The following MTCL2 variants were observed in gnomAD, a reference collection of about 807,000 sequenced individuals.
MTCL2 encodes microtubule cross-linking factor 2.
At chr20:36,787,102 G>A in the MTCL2 span, among the ~76,000 whole-genome samples, 9 of 151,728 alleles carry the variant, frequency 5.9e-5, no homozygotes, top group South Asian at 1.9e-3. Flanking sequence ...GCTGGAATTA[G>A]CACCTTTGGG....
the MTCL2 span, among the ~76,000 whole-genome samples, chr20:36,811,163 CA>C: frequency 6.6e-6 from 1 of 152,152 alleles, no homozygotes; most frequent in African/African-American, 2.4e-5. Flanking sequence ...ATCTGTTTTG[CA>C]TTAAAAATTT....
chr20:36,800,492 A>G, the MTCL2 span, among the ~76,000 whole-genome samples: 5 of 152,298 alleles, frequency 3.3e-5, no homozygotes, highest in Admixed American at 1.3e-4. Context: ...TACCTGCAGG[A>G]AAGTGGGCAT....
chr20:36,831,401 A>G, the MTCL2 span, among the ~76,000 whole-genome samples: 1 of 152,152 alleles, frequency 6.6e-6, no homozygotes, highest in East Asian at 1.9e-4. Context: ...AGGGGTGCCC[A>G]GGTTTCGCCA....
chr20:36,847,637 T>C, the MTCL2 span, among the ~76,000 whole-genome samples: 1 of 152,114 alleles, frequency 6.6e-6, no homozygotes. Flanking sequence ...GAAGATCCCT[T>C]GAGCTCAGGA....
the MTCL2 span, among the ~76,000 whole-genome samples, chr20:36,801,463 C>T: frequency 2.0e-5 from 3 of 151,530 alleles, no homozygotes; most frequent in South Asian, 2.1e-4. Context: ...AAAGGCCCAG[C>T]GACTCGGGAG....
At chr20:36,824,045 G>A in the MTCL2 span, among the ~76,000 whole-genome samples, 1 of 152,116 alleles carries the variant, frequency 6.6e-6, no homozygotes, top group South Asian at 2.1e-4. Flanking sequence ...ACACAACAGG[G>A]TCCTAGGAGA....
the MTCL2 span, among the ~76,000 whole-genome samples, chr20:36,795,127 C>T: frequency 5.0e-4 from 76 of 152,052 alleles, no homozygotes; most frequent in East Asian, 0.012. Context: ...TTAGTAGAGA[C>T]GGGGTTTCAC....
At chr20:36,837,871 C>T in the MTCL2 span, among the ~76,000 whole-genome samples, 1 of 152,166 alleles carries the variant, frequency 6.6e-6, no homozygotes, top group South Asian at 2.1e-4. Flanking sequence ...GCCACTGTGC[C>T]CAGCCCGCAT....
At chr20:36,840,513 A>G in the MTCL2 span, among the ~76,000 whole-genome samples, 4 of 150,684 alleles carry the variant, frequency 2.7e-5, no homozygotes, top group Non-Finnish European at 5.9e-5. Flanking sequence ...TTTGTTACAG[A>G]AGCAACAGGA....
chr20:36,780,934 T>C, the MTCL2 span: 1 of 152,186 alleles, frequency 6.6e-6, no homozygotes, highest in Non-Finnish European at 1.5e-5. Flanking sequence ...CATGCTTGCT[T>C]CCCATAATTG....
the MTCL2 span, among the ~76,000 whole-genome samples, chr20:36,788,861 C>T: frequency 6.8e-6 from 1 of 146,852 alleles, no homozygotes; most frequent in African/African-American, 2.6e-5. Flanking sequence ...GGCTGGAGTG[C>T]AATGATGCGA....
At chr20:36,794,203 A>G in the MTCL2 span, 1 of 1,547,378 alleles carries the variant, frequency 6.5e-7, no homozygotes. This position sits in a 1 kb window ranked among gnomAD's most constrained non-coding sequence, Gnocchi z 5.4. Context: ...CCAGCCCATC[A>G]GCCTCGGCCG....
chr20:36,783,161 C>T, the MTCL2 span: 1 of 152,108 alleles, frequency 6.6e-6, no homozygotes, highest in Non-Finnish European at 1.5e-5. Flanking sequence ...AAGAGTGCAC[C>T]TGGGGACACC....
chr20:36,780,115 T>C, the MTCL2 span: 2 of 152,194 alleles, frequency 1.3e-5, no homozygotes, highest in Non-Finnish European at 2.9e-5. Context: ...GTCTTGGCTC[T>C]GCCTCTGGTT....
chr20:36,779,612 G>A, the MTCL2 span: 1 of 152,272 alleles, frequency 6.6e-6, no homozygotes, highest in African/African-American at 2.4e-5. Flanking sequence ...ATTGGAGGAA[G>A]AGGCTTTTTT....
chr20:36,859,089 C>T, the MTCL2 span, among the ~76,000 whole-genome samples: 1 of 152,200 alleles, frequency 6.6e-6, no homozygotes, highest in African/African-American at 2.4e-5. Context: ...CTGCGCCAGG[C>T]CCCATCACCT....
At chr20:36,805,816 T>C in the MTCL2 span, 2 of 1,523,280 alleles carry the variant, frequency 1.3e-6, no homozygotes, top group Admixed American at 4.2e-5. Context: ...AAGGAATGAA[T>C]GGACACAACA....
chr20:36,797,682 C>T, the MTCL2 span: 4 of 1,025,780 alleles, frequency 3.9e-6, no homozygotes, highest in South Asian at 1.5e-5. Context: ...ACAGAACCTA[C>T]ATCATGGACA....
chr20:36,797,481 G>GGCA, the MTCL2 span: 1 of 1,552,130 alleles, frequency 6.4e-7, no homozygotes, highest in Non-Finnish European at 8.7e-7. Flanking sequence ...AAGATAGCAT[G>GGCA]GCAGCAGCCG....
Sources: allele counts gnomAD v4.1 joint callset (sites outside exome capture counted in the v4.1 genomes callset), GRCh38; gene constraint gnomAD v4.1.1; non-coding constraint Gnocchi (gnomAD v3.1); transcripts MANE v1.5; gene names NCBI Gene and HGNC (gene_info 2026-07-23, HGNC 2026-07-21).